Variants in GAREM1 observed in about 807,000 individuals in gnomAD.
GAREM1 encodes the protein GRB2-associated and regulator of MAPK protein 1.
GAREM1 carries 26 observed loss-of-function variants against 71.3 expected under a neutral mutation model. The ratio of observed to expected loss-of-function variants is 0.36; its 90% CI spans 0.27 to 0.51. The LOEUF (loss-of-function observed/expected upper bound fraction) is 0.51, where lower values mean the gene tolerates loss of function less well. Among genes scored for constraint, GAREM1 ranks in the 20% least tolerant of loss-of-function variants. The probability of loss-of-function intolerance (pLI) is 0.95; values close to 1 mark genes in which losing one functional copy is unlikely to be tolerated. For synonymous variants in GAREM1, 440 were observed against 433.2 expected (o/e 1.02, Z -0.20); for missense variants, 1,026 against 1,103.1 (o/e 0.93, Z 0.99).
chr18:32,318,064 A>G (rs1373442798), intron 2 of GAREM1, among the ~76,000 whole-genome samples: 1 of 152,166 alleles, frequency 6.6e-6, no homozygotes, highest in Non-Finnish European at 1.5e-5. Context: ...GTCTTTCAGG[A>G]GCTTTGATGA....
chr18:32,422,365 A>G lies in GAREM1; in HGVS notation c.122-29330T>C, dbSNP rs114442545. Among the ~76,000 whole-genome samples, 868 of 152,166 alleles carry G rather than the reference A, an allele frequency of 5.7e-3. 11 individuals carry two copies. Among genetic ancestry groups the G allele is most frequent in the African/African-American group, 0.02 (814 of 41,512 alleles). Reference sequence around the variant, plus strand: ...TCCCATCTTCCATTCAACAGATGGAACTGATTCTTTCCTTTCACTCCCTTG... The same window carrying G: ...TCCCATCTTCCATTCAACAGATGGAGCTGATTCTTTCCTTTCACTCCCTTG... On this transcript the variant is annotated intron_variant, in intron 1 of 5. Transcript: ENST00000269209.
chr18:32,346,062 A>G (rs2047693067), intron 2 of GAREM1, among the ~76,000 whole-genome samples: 1 of 152,144 alleles, frequency 6.6e-6, no homozygotes, highest in Non-Finnish European at 1.5e-5. Context: ...TATATCACGT[A>G]TAGTTACTTT....
chr18:32,357,040 G>C (rs918264264), intron 2 of GAREM1, among the ~76,000 whole-genome samples: 6 of 152,182 alleles, frequency 3.9e-5, no homozygotes, highest in Non-Finnish European at 8.8e-5. Context: ...CTTTCTGAGA[G>C]TAGGGACACA....
chr18:32,317,297 T>C (rs2144531415), intron 2 of GAREM1, among the ~76,000 whole-genome samples: 1 of 148,392 alleles, frequency 6.7e-6, no homozygotes, highest in South Asian at 2.1e-4. Flanking sequence ...CCCAGCTACT[T>C]GGGAGGCTGA....
chr18:32,273,865 T>C (rs2041501316), intron 4 of GAREM1, among the ~76,000 whole-genome samples: 1 of 152,202 alleles, frequency 6.6e-6, no homozygotes, highest in East Asian at 1.9e-4. Flanking sequence ...TGTTGTTATG[T>C]GAGGTCAAGG....
chr18:32,415,697 A>C (rs2048459927), intron 1 of GAREM1, among the ~76,000 whole-genome samples: 1 of 152,118 alleles, frequency 6.6e-6, no homozygotes, highest in Non-Finnish European at 1.5e-5. Flanking sequence ...AAAACCTCAA[A>C]AAACTGGGTA....
chr18:32,393,640 T>C (rs553186131), intron 1 of GAREM1, among the ~76,000 whole-genome samples: 35 of 152,350 alleles, frequency 2.3e-4, no homozygotes, highest in African/African-American at 7.9e-4. Flanking sequence ...TTAAATTTTA[T>C]GTTTGCCAAT....
At position 32,296,571 on chromosome 18, in the gene GAREM1, T is replaced by C. The variant is rs551420630; in HGVS notation, c.394-8368A>G. 1.1e-3 allele frequency among the ~76,000 whole-genome samples: 160 copies of C among 152,334 alleles called. 1 individual carries two copies. The highest frequency in any genetic ancestry group is 3.7e-3 in the African/African-American group (155 of 41,572). ...AAGGCTTTGACAGTTTTGAAGAATATAGCTCAAGGTTTTTGTTTGTTTAGA... is the reference window on the plus strand; with the variant it reads ...AAGGCTTTGACAGTTTTGAAGAATACAGCTCAAGGTTTTTGTTTGTTTAGA... On this transcript the variant is annotated intron_variant, in intron 3 of 5. Coordinates refer to ENST00000269209, the MANE Select transcript of GAREM1 (RefSeq NM_001242409.2).
intron 1 of GAREM1, among the ~76,000 whole-genome samples, chr18:32,457,306 C>T (rs1028335242): frequency 6.7e-6 from 1 of 149,258 alleles, no homozygotes; most frequent in African/African-American, 2.5e-5. Context: ...TATATCAAGA[C>T]TTCAGAATAC....
chr18:32,416,599 G>C (rs968588637), intron 1 of GAREM1, among the ~76,000 whole-genome samples: 1 of 152,000 alleles, frequency 6.6e-6, no homozygotes, highest in African/African-American at 2.4e-5. Flanking sequence ...TTTTGACAAA[G>C]GTTCCAAGAA....
intron 3 of GAREM1, among the ~76,000 whole-genome samples, chr18:32,308,004 C>T (rs749008959): frequency 4.6e-5 from 7 of 152,160 alleles, no homozygotes; most frequent in Non-Finnish European, 1.0e-4. Context: ...GTTCCTATAA[C>T]AATCCTTCTT....
At chr18:32,383,873 G>C (rs917629672) in intron 2 of GAREM1, among the ~76,000 whole-genome samples, 1 of 151,818 alleles carries the variant, frequency 6.6e-6, no homozygotes, top group Non-Finnish European at 1.5e-5. Context: ...TAATTTGCAA[G>C]GATTCTGAGT....
chr18:32,350,684 T>A (rs1209429208), intron 2 of GAREM1, among the ~76,000 whole-genome samples: 1 of 152,192 alleles, frequency 6.6e-6, no homozygotes, highest in African/African-American at 2.4e-5. Flanking sequence ...AGGTTACGAA[T>A]CACTTTAAAA....
At chr18:32,366,745 T>C (rs905594730) in intron 2 of GAREM1, among the ~76,000 whole-genome samples, 18 of 152,260 alleles carry the variant, frequency 1.2e-4, no homozygotes, top group Non-Finnish European at 1.9e-4. Context: ...ATTTAAATTA[T>C]GTTTTGTTTC....
At position 32,436,439 on chromosome 18, in the gene GAREM1, A is replaced by T. The variant is rs143192475; in HGVS notation, c.121+33869T>A. ...TACAAGAGGACATATATTTATCTAT[A>T]TTCTTCTAACCTAAAAGAAACACTT... On this transcript the variant is annotated intron_variant, in intron 1 of 5. Coordinates refer to ENST00000269209, the MANE Select transcript of GAREM1 (RefSeq NM_001242409.2). 1.7e-3 allele frequency among the ~76,000 whole-genome samples: 255 copies of T among 152,318 alleles called. 3 individuals are homozygous for T. The highest frequency in any genetic ancestry group is 0.014 in the East Asian group (71 of 5,184).
intron 1 of GAREM1, among the ~76,000 whole-genome samples, chr18:32,453,479 G>C (rs1485661637): frequency 2.6e-5 from 4 of 152,146 alleles, no homozygotes; most frequent in Admixed American, 6.5e-5. Flanking sequence ...AGGGTCCTAG[G>C]AGAGATTCTG....
chr18:32,383,878 C>T (rs2048119907), intron 2 of GAREM1, among the ~76,000 whole-genome samples: 1 of 151,824 alleles, frequency 6.6e-6, no homozygotes, highest in Non-Finnish European at 1.5e-5. Context: ...TGCAAGGATT[C>T]TGAGTAAACA....
chr18:32,370,443 A>C (rs1297804863), intron 2 of GAREM1, among the ~76,000 whole-genome samples: 4 of 151,562 alleles, frequency 2.6e-5, no homozygotes, highest in African/African-American at 9.7e-5. Flanking sequence ...AAAAAAGCGT[A>C]AGGTGAATTT....
intron 2 of GAREM1, among the ~76,000 whole-genome samples, chr18:32,369,904 T>C (rs1447895523): frequency 6.6e-6 from 1 of 152,180 alleles, no homozygotes; most frequent in Non-Finnish European, 1.5e-5. Flanking sequence ...CTGCTAACTG[T>C]GTATGTGTCC....
Sources: gnomAD v4.1 joint callset for allele counts (sites outside exome capture counted in the v4.1 genomes callset) on GRCh38, gnomAD v4.1.1 for gene constraint, MANE v1.5 for transcripts, NCBI Gene and HGNC (gene_info 2026-07-23, HGNC 2026-07-21) for gene names.